The following PCDHA6 variants were observed in gnomAD, a reference collection of about 807,000 sequenced individuals.
PCDHA6 encodes protocadherin alpha-6.
PCDHA6 carries 55 observed loss-of-function variants against 60.3 expected under a neutral mutation model. That is an observed-to-expected ratio of 0.91 (90% CI 0.73 to 1.14). The LOEUF is 1.14. Ranked by LOEUF, PCDHA6 falls within the 50% of genes most tolerant of loss-of-function variation. The pLI, the probability that PCDHA6 is intolerant of heterozygous loss-of-function variation, is 0.00. For missense variants in PCDHA6, 1,327 were observed against 1,256.5 expected (o/e 1.06, Z -0.85); for synonymous variants, 652 against 557.9 (o/e 1.17, Z -2.38).
intron 1 of PCDHA6, chr5:140,860,899 G>C (rs940246442): frequency 6.6e-6 from 1 of 152,256 alleles, no homozygotes; most frequent in Admixed American, 6.6e-5. Flanking sequence ...CAACACGCCA[G>C]GCTAATTTTT....
rs1417036031 is a variant in PCDHA6, at chr5:140,855,830, G to A, written c.2394+25345G>A. On this transcript the variant is annotated intron_variant, in intron 1 of 3. Coordinates refer to ENST00000529310, the MANE Select transcript of PCDHA6 (RefSeq NM_018909.4). Reference sequence around the variant, plus strand: ...AGAAAAGTTGTGAACTCATGGAATCGTACTTACACCTAAAGCCACCGGATG... The same window carrying A: ...AGAAAAGTTGTGAACTCATGGAATCATACTTACACCTAAAGCCACCGGATG... The A allele has an allele frequency of 5.8e-5, 33 of 567,192 alleles. 2 individuals carry two copies. Among genetic ancestry groups the A allele is most frequent in the Non-Finnish European group, 9.5e-5 (31 of 325,120 alleles). The allele number at this position is 567,192 out of a possible 1,614,324, so 35.1% of individuals were successfully genotyped here.
intron 1 of PCDHA6, among the ~76,000 whole-genome samples, chr5:140,913,052 A>G (rs1554195709): frequency 6.6e-6 from 1 of 151,874 alleles, no homozygotes; most frequent in African/African-American, 2.4e-5. Context: ...CTGGAGTTTT[A>G]TTTTATTTTG....
At chr5:140,853,927 G>T in intron 1 of PCDHA6, 1 of 895,160 alleles carries the variant, frequency 1.1e-6, no homozygotes, top group Non-Finnish European at 1.4e-6. Context: ...CCAACATTTT[G>T]GGAGGCCAAG....
At chr5:140,883,760 C>T (rs199864330) in intron 1 of PCDHA6, 18 of 1,612,790 alleles carry the variant, frequency 1.1e-5, no homozygotes, top group Non-Finnish European at 1.4e-5. Context: ...GGTGGAGCGG[C>T]GGGTGGGCGA....
chr5:140,959,055 C>A (rs2095463398), intron 1 of PCDHA6, among the ~76,000 whole-genome samples: 1 of 151,914 alleles, frequency 6.6e-6, no homozygotes, highest in African/African-American at 2.4e-5. Flanking sequence ...GGAAAAAATG[C>A]AGTATATATA....
At chr5:140,888,210 T>TTG (rs1325850915) in intron 1 of PCDHA6, among the ~76,000 whole-genome samples, 2 of 152,080 alleles carry the variant, frequency 1.3e-5, no homozygotes, top group Admixed American at 1.3e-4. Context: ...ATGCTGGATT[T>TTG]TGTGTGTGTG....
At chr5:140,836,744 T>A in intron 1 of PCDHA6, 1 of 1,588,470 alleles carries the variant, frequency 6.3e-7, no homozygotes, top group Non-Finnish European at 8.5e-7. Context: ...ACAATGTGAG[T>A]CATAAATAAT....
chr5:140,874,901 T>G (rs896201686), intron 1 of PCDHA6, among the ~76,000 whole-genome samples: 2 of 152,208 alleles, frequency 1.3e-5, no homozygotes, highest in Admixed American at 1.3e-4. Context: ...TCTAAAATCT[T>G]ACGATGGAGT....
chr5:140,903,768 T>C (rs1211667697), intron 1 of PCDHA6, among the ~76,000 whole-genome samples: 1 of 152,212 alleles, frequency 6.6e-6, no homozygotes, highest in Non-Finnish European at 1.5e-5. Flanking sequence ...TGCTGAACTT[T>C]TCTATCCATA....
chr5:140,968,159 A>T, intron 1 of PCDHA6: 6 of 1,614,136 alleles, frequency 3.7e-6, no homozygotes, highest in Non-Finnish European at 4.2e-6. Flanking sequence ...CATCAATGAC[A>T]ATCCACCAAG....
chr5:140,893,312 A>C (rs2063923388), intron 1 of PCDHA6, among the ~76,000 whole-genome samples: 1 of 152,106 alleles, frequency 6.6e-6, no homozygotes, highest in Non-Finnish European at 1.5e-5. Context: ...TAGTTTTTTG[A>C]GGGACTCCCA....
intron 1 of PCDHA6, among the ~76,000 whole-genome samples, chr5:140,962,347 C>A (rs191780691): frequency 1.7e-4 from 26 of 152,244 alleles, no homozygotes; most frequent in African/African-American, 5.3e-4. Flanking sequence ...AAGTAAAACT[C>A]CCCCCAATAC....
intron 1 of PCDHA6, chr5:140,869,485 G>A: frequency 6.2e-7 from 1 of 1,614,158 alleles, no homozygotes; most frequent in Non-Finnish European, 8.5e-7. Context: ...GGACATTAAC[G>A]ACAACCCGCC....
At chr5:140,875,868 G>A (rs781927681) in intron 1 of PCDHA6, 3 of 1,614,210 alleles carry the variant, frequency 1.9e-6, no homozygotes, top group Non-Finnish European at 8.5e-7. Context: ...ACCCGCCGGT[G>A]TTCAGAGAAA....
At chr5:140,853,797 T>G (rs2042870109) in intron 1 of PCDHA6, 4 of 987,438 alleles carry the variant, frequency 4.1e-6, no homozygotes, top group Non-Finnish European at 4.9e-6. Context: ...AATTTTCATT[T>G]TAAAGCACAC....
intron 1 of PCDHA6, chr5:140,849,278 G>A (rs1427040308): frequency 8.5e-7 from 1 of 1,179,884 alleles, no homozygotes; most frequent in Non-Finnish European, 1.2e-6. Context: ...GAACGCTGGT[G>A]ATTCACCCCA....
intron 1 of PCDHA6, chr5:140,870,140 C>G: frequency 6.2e-7 from 1 of 1,614,040 alleles, no homozygotes; most frequent in Non-Finnish European, 8.5e-7. Flanking sequence ...AACGATAACT[C>G]TCCTGAAGTC....
intron 1 of PCDHA6, among the ~76,000 whole-genome samples, chr5:140,925,082 AAAGG>A (rs138596875): frequency 0.022 from 3,184 of 147,344 alleles, 79 homozygotes; most frequent in African/African-American, 0.064. Flanking sequence ...GCTCATCTGG[AAAGG>A]AAGGAAGGAA....
chr5:140,927,176 TGACCTAC>T (rs1285493810), intron 1 of PCDHA6: 5 of 1,614,156 alleles, frequency 3.1e-6, no homozygotes, highest in Non-Finnish European at 4.2e-6. Flanking sequence ...GCCTGCGTCT[TGACCTAC>T]GACCTGGTGC....
Sources: gnomAD v4.1 joint callset for allele counts (sites outside exome capture counted in the v4.1 genomes callset) on GRCh38, gnomAD v4.1.1 for gene constraint, MANE v1.5 for transcripts, NCBI Gene and HGNC (gene_info 2026-07-23, HGNC 2026-07-21) for gene names.